The following PPM1B variants were observed in gnomAD, a reference collection of about 807,000 sequenced individuals.
The protein encoded by PPM1B is protein phosphatase, Mg2+/Mn2+ dependent 1B, also known as protein phosphatase 1B.
A neutral mutation model predicts 43.0 loss-of-function variants in PPM1B; 22 were observed. The observed-to-expected ratio is 0.51, with a 90% CI of 0.37 to 0.73. PPM1B has a LOEUF of 0.73. Ranked by LOEUF, PPM1B falls within the 30% of genes least tolerant of loss-of-function variation. The pLI, the probability that PPM1B is intolerant of heterozygous loss-of-function variation, is 0.00. For synonymous variants in PPM1B, 217 were observed against 197.9 expected (o/e 1.10, Z -0.81); for missense variants, 632 against 584.2 (o/e 1.08, Z -0.84).
intron 5 of PPM1B, among the ~76,000 whole-genome samples, chr2:44,220,374 T>A (rs1572744434): frequency 2.0e-5 from 3 of 152,030 alleles, no homozygotes; most frequent in African/African-American, 7.2e-5. Flanking sequence ...TTAAATTTTT[T>A]AAAAAGAAAA....
At chr2:44,218,634 T>C (rs1466959839) in intron 5 of PPM1B, 97 bp downstream of exon 5, 1 of 824,294 alleles carries the variant, frequency 1.2e-6, no homozygotes, top group East Asian at 2.8e-5. Context: ...TAATAAATTA[T>C]AGTCTGTAGT....
chr2:44,240,699 TTAAG>T (rs1429440433), intron 5 of PPM1B, among the ~76,000 whole-genome samples: 1 of 145,982 alleles, frequency 6.9e-6, no homozygotes, highest in African/African-American at 2.5e-5. Flanking sequence ...TTTTCCTGAT[TTAAG>T]GCAGATGTTC....
intron 3 of PPM1B, among the ~76,000 whole-genome samples, chr2:44,211,619 TG>T (rs556783155): frequency 8.1e-4 from 124 of 152,250 alleles, no homozygotes; most frequent in African/African-American, 2.8e-3. Flanking sequence ...AAGTATTCTA[TG>T]GGGAGGCACT....
Position 44,205,374 on chromosome 2 carries a change from T to TGTGTGTGTGTGTGTGTGTGTGTGTGG in PPM1B, c.846+3335_846+3336insGTGTGTGTGTGTGTGTGTGGGTGTGT, listed in dbSNP as rs1553333054. On this transcript the variant is annotated intron_variant, in intron 2 of 5. Coordinates refer to ENST00000282412, the MANE Select transcript of PPM1B (RefSeq NM_002706.6). ...GTGTGGGTGTGTGTGTGTGTGTGTGTGTGTGTAAGTGTCTGTCTGTTTCGG... is the reference window on the plus strand; with the variant it reads ...GTGTGGGTGTGTGTGTGTGTGTGTGTGTGTGTGTGTGTGTGTGTGTGTGTGGGTGTGTAAGTGTCTGTCTGTTTCGG... Among the ~76,000 whole-genome samples the TGTGTGTGTGTGTGTGTGTGTGTGTGG allele has an allele frequency of 4.6e-3, 697 of 151,404 alleles. 9 individuals are homozygous for TGTGTGTGTGTGTGTGTGTGTGTGTGG. Among genetic ancestry groups the TGTGTGTGTGTGTGTGTGTGTGTGTGG allele is most frequent in the African/African-American group, 0.016 (666 of 40,976 alleles).
intron 1 of PPM1B, among the ~76,000 whole-genome samples, chr2:44,184,361 C>T (rs974135678): frequency 6.6e-6 from 1 of 152,110 alleles, no homozygotes; most frequent in Non-Finnish European, 1.5e-5. Context: ...GTTTTCCTCC[C>T]ACAACTCTGG....
chr2:44,222,833 C>G (rs979126268), intron 5 of PPM1B, among the ~76,000 whole-genome samples: 1 of 152,010 alleles, frequency 6.6e-6, no homozygotes, highest in African/African-American at 2.4e-5. Context: ...TCTTAAGATA[C>G]TCTATTTTAT....
At chr2:44,246,443 C>A (rs889277509), downstream of PPM1B, among the ~76,000 whole-genome samples, 1 of 152,108 alleles carries the variant, frequency 6.6e-6, no homozygotes, top group Non-Finnish European at 1.5e-5. Context: ...TCCAGTAACT[C>A]CAAAATTTCA....
intron 2 of PPM1B, among the ~76,000 whole-genome samples, chr2:44,202,586 G>T (rs1400753076): frequency 1.4e-5 from 2 of 145,410 alleles, no homozygotes; most frequent in African/African-American, 5.4e-5. Flanking sequence ...AATCTAAAAA[G>T]GATTTACATG....
intron 5 of PPM1B, among the ~76,000 whole-genome samples, chr2:44,225,250 TCTAAAA>T: frequency 6.6e-6 from 1 of 152,184 alleles, no homozygotes; most frequent in Non-Finnish European, 1.5e-5. Flanking sequence ...TTGTCTTTAC[TCTAAAA>T]GAGTTTGCAG....
chr2:44,195,721 C>A (rs79045496), intron 1 of PPM1B, among the ~76,000 whole-genome samples: 18 of 152,164 alleles, frequency 1.2e-4, no homozygotes, highest in Non-Finnish European at 2.1e-4. Flanking sequence ...GTAATCTTCT[C>A]CTTTGAGTGG....
chr2:44,177,952 C>T (rs1383677142), intron 1 of PPM1B, among the ~76,000 whole-genome samples: 1 of 139,672 alleles, frequency 7.2e-6, no homozygotes, highest in Non-Finnish European at 1.5e-5. Flanking sequence ...CAGTCCGGCT[C>T]TGTTGCTCAG....
Position 44,231,238 on chromosome 2 carries a change from AT to A in PPM1B, c.*521del, listed in dbSNP as rs1670457997. Reference sequence around the variant, plus strand: ...GTTGTTTGATTTGTTTATATTTTACATCTCTGTAGTTTTATTTTTAGAAGTT... The same window carrying A: ...GTTGTTTGATTTGTTTATATTTTACACTCTGTAGTTTTATTTTTAGAAGTT... On this transcript the variant is annotated 3_prime_UTR_variant, in exon 6 of 6. Coordinates refer to ENST00000282412, the MANE Select transcript of PPM1B (RefSeq NM_002706.6). The A allele has an allele frequency of 1.0e-6, 1 of 980,276 alleles. No homozygotes were observed. The highest frequency in any genetic ancestry group is 1.2e-6 in the Non-Finnish European group (1 of 825,354). The allele number at this position is 980,276 out of a possible 1,614,324, so 60.7% of individuals were successfully genotyped here. A position where few individuals can be genotyped will look rare whatever the true frequency, so the allele number is the denominator to read the frequency against.
At chr2:44,239,537 A>G (rs1436688857), downstream of PPM1B, among the ~76,000 whole-genome samples, 1 of 151,934 alleles carries the variant, frequency 6.6e-6, no homozygotes, top group East Asian at 1.9e-4. Context: ...TATAGTCTCT[A>G]ATTTTTTTAA....
At chr2:44,230,278 T>C in intron 5 of PPM1B, 135 bp from the exon 6 acceptor site, 1 of 1,483,582 alleles carries the variant, frequency 6.7e-7, no homozygotes, top group Admixed American at 2.4e-5. Context: ...AGAATTGATA[T>C]TTAATAAAAT....
At chr2:44,220,783 G>C (rs1462797643) in intron 5 of PPM1B, among the ~76,000 whole-genome samples, 2 of 152,346 alleles carry the variant, frequency 1.3e-5, no homozygotes, top group East Asian at 1.9e-4. Flanking sequence ...AAGTTCAGCT[G>C]CTTAAGCAGG....
intron 5 of PPM1B, chr2:44,229,851 T>C: frequency 3.8e-6 from 3 of 794,364 alleles, no homozygotes; most frequent in Non-Finnish European, 3.8e-6. Flanking sequence ...CTGAGAATAC[T>C]TAATTTATTT....
chr2:44,219,220 G>C (rs1389793276), intron 5 of PPM1B: 3 of 149,424 alleles, frequency 2.0e-5, no homozygotes, highest in African/African-American at 2.5e-5. Context: ...TTAAATCCAA[G>C]TTAGTTCAAA....
chr2:44,180,758 G>A (rs1667836959), intron 1 of PPM1B, among the ~76,000 whole-genome samples: 1 of 151,884 alleles, frequency 6.6e-6, no homozygotes, highest in African/African-American at 2.4e-5. Flanking sequence ...CTACAGGCGT[G>A]GGGCACCATA....
chr2:44,169,586 C>G (rs187485916), intron 1 of PPM1B, among the ~76,000 whole-genome samples: 1 of 152,264 alleles, frequency 6.6e-6, no homozygotes, highest in African/African-American at 2.4e-5. Flanking sequence ...CTTCAGTCTG[C>G]AAGCATCTCT....
Sources: gnomAD v4.1 joint callset for allele counts (sites outside exome capture counted in the v4.1 genomes callset) on GRCh38, gnomAD v4.1.1 for gene constraint, MANE v1.5 for transcripts, NCBI Gene and HGNC (gene_info 2026-07-23, HGNC 2026-07-21) for gene names.